The following KIRREL1 variants were observed in gnomAD, a reference collection of about 807,000 sequenced individuals.
The protein encoded by KIRREL1 is kin of IRRE-like protein 1.
KIRREL1 carries 25 observed loss-of-function variants against 83.3 expected under a neutral mutation model. The observed-to-expected ratio is 0.30, with a 90% CI of 0.22 to 0.42. The LOEUF is 0.42. Ranked by LOEUF, KIRREL1 falls within the 10% of genes least tolerant of loss-of-function variation. The pLI is 1.00. For missense variants in KIRREL1, 812 were observed against 1,032.3 expected (o/e 0.79, Z 2.92); for synonymous variants, 388 against 410.4 (o/e 0.95, Z 0.66).
intron 1 of KIRREL1, among the ~76,000 whole-genome samples, chr1:158,013,374 A>G (rs549822009): frequency 1.3e-5 from 2 of 151,874 alleles, no homozygotes; most frequent in African/African-American, 4.8e-5. Flanking sequence ...CCCTAGAAGC[A>G]TGCCATGTTT....
At chr1:158,044,935 G>A (rs1660736132) in intron 1 of KIRREL1, among the ~76,000 whole-genome samples, 1 of 152,222 alleles carries the variant, frequency 6.6e-6, no homozygotes, top group African/African-American at 2.4e-5. Flanking sequence ...AAGGGAAGGG[G>A]AATCCGGAGT....
At chr1:158,005,732 G>C (rs1033181553) in intron 1 of KIRREL1, among the ~76,000 whole-genome samples, 1 of 152,058 alleles carries the variant, frequency 6.6e-6, no homozygotes, top group Non-Finnish European at 1.5e-5. Flanking sequence ...TGCATGATTT[G>C]GGGGAGCAGT....
chr1:158,013,142 T>C (rs1246085575), intron 1 of KIRREL1, among the ~76,000 whole-genome samples: 2 of 152,214 alleles, frequency 1.3e-5, no homozygotes, highest in East Asian at 3.8e-4. Context: ...CACACTGCTG[T>C]CCATTTCTCC....
At chr1:158,051,883 C>T (rs1660918673) in intron 1 of KIRREL1, among the ~76,000 whole-genome samples, 1 of 152,240 alleles carries the variant, frequency 6.6e-6, no homozygotes, top group Non-Finnish European at 1.5e-5. Flanking sequence ...ACCTCCCTTC[C>T]TCTCAGCTTC....
Position 158,095,944 on chromosome 1 carries a change from C to A in KIRREL1, c.*824C>A, listed in dbSNP as rs41273467. 0.013 allele frequency: 2,010 copies of A among 154,678 alleles called. 18 individuals are homozygous for A. The highest frequency in any genetic ancestry group is 0.017 in the Non-Finnish European group (1,211 of 69,804). The allele number at this position is 154,678 out of a possible 1,614,324, so 9.6% of individuals were successfully genotyped here. On this transcript the variant is annotated 3_prime_UTR_variant, in exon 15 of 15. Transcript: ENST00000359209. ...AGCAGTGAACCAACACTAGAGGGAG[C>A]CACACAAGCCTCCTCTCCCCAGTCT...
At chr1:158,059,071 C>T (rs1363750772) in intron 1 of KIRREL1, among the ~76,000 whole-genome samples, 1 of 152,104 alleles carries the variant, frequency 6.6e-6, no homozygotes, top group Non-Finnish European at 1.5e-5. Context: ...AGCACCCTTC[C>T]CACTGCATGT....
intron 1 of KIRREL1, among the ~76,000 whole-genome samples, chr1:158,034,146 G>A (rs1660405187): frequency 6.6e-6 from 1 of 151,520 alleles, no homozygotes; most frequent in African/African-American, 2.4e-5. Flanking sequence ...GGTGGCGGGC[G>A]CCTGTAATCC....
chr1:158,049,507 A>T lies in KIRREL1; in HGVS notation c.53-26606A>T, dbSNP rs1660859447. Among the ~76,000 whole-genome samples the T allele has an allele frequency of 2.0e-5, 3 of 152,200 alleles. No individual in the cohort carries two copies. The South Asian group carries it at 6.2e-4, about 31-fold the overall frequency. ...TTTCTAGAAGGTAAAGTGCACGTTGACCAGGGTCTAACCGAATTTGAACTT... is the reference window on the plus strand; with the variant it reads ...TTTCTAGAAGGTAAAGTGCACGTTGTCCAGGGTCTAACCGAATTTGAACTT... On this transcript the variant is annotated intron_variant, in intron 1 of 14. Coordinates refer to ENST00000359209, the MANE Select transcript of KIRREL1 (RefSeq NM_018240.7).
chr1:158,075,332 G>A (rs747812546), intron 1 of KIRREL1, among the ~76,000 whole-genome samples: 24 of 152,236 alleles, frequency 1.6e-4, no homozygotes, highest in Non-Finnish European at 1.9e-4. Context: ...GAGGGAGAGT[G>A]GAACAAAGTC....
At chr1:158,003,012 C>G (rs987619557) in intron 1 of KIRREL1, among the ~76,000 whole-genome samples, 6 of 152,188 alleles carry the variant, frequency 3.9e-5, no homozygotes, top group Admixed American at 2.0e-4. Flanking sequence ...CTCCACCCCC[C>G]ACTCCCACCC....
chr1:158,037,489 C>CAAA (rs759200504), intron 1 of KIRREL1, among the ~76,000 whole-genome samples: 9 of 43,988 alleles, frequency 2.0e-4, no homozygotes, highest in African/African-American at 2.4e-4. Flanking sequence ...AAGACTCTGG[C>CAAA]AAAAAAAAAA....
At chr1:158,091,633 G>T (rs1662200506) in intron 11 of KIRREL1, 77 bp downstream of exon 11, 3 of 1,379,576 alleles carry the variant, frequency 2.2e-6, no homozygotes, top group Non-Finnish European at 2.0e-6. Context: ...CCAGGGGCAG[G>T]GCTCAGCTGC....
intron 11 of KIRREL1, 54 bp downstream of exon 11, chr1:158,091,610 CTCCT>C: frequency 6.4e-7 from 1 of 1,557,328 alleles, no homozygotes. Flanking sequence ...GAGGATTCTG[CTCCT>C]TCTTTTCTCC....
At chr1:158,010,326 A>AACACACAC (rs56353855) in intron 1 of KIRREL1, among the ~76,000 whole-genome samples, 4,360 of 72,174 alleles carry the variant, frequency 0.06, 117 homozygotes, top group Non-Finnish European at 0.11. Flanking sequence ...CCCCACCATA[A>AACACACAC]ACACACACAC....
intron 1 of KIRREL1, among the ~76,000 whole-genome samples, chr1:158,012,562 G>T (rs1330101737): frequency 6.6e-6 from 1 of 152,130 alleles, no homozygotes; most frequent in Non-Finnish European, 1.5e-5. Flanking sequence ...GTAATAAAAA[G>T]AGTCCTGGAT....
intron 1 of KIRREL1, among the ~76,000 whole-genome samples, chr1:158,009,063 C>G (rs987370104): frequency 9.2e-5 from 14 of 152,042 alleles, no homozygotes; most frequent in African/African-American, 2.2e-4. Context: ...ATTGAGAGGC[C>G]CAAGAGACAG....
intron 1 of KIRREL1, among the ~76,000 whole-genome samples, chr1:158,020,600 CAAAAAAAAAAA>C (rs370156588): frequency 1.2e-5 from 1 of 83,678 alleles, no homozygotes. Flanking sequence ...TACAGTAAAT[CAAAAAAAAAAA>C]AAAAAAAAAA....
At chr1:158,031,526 T>C (rs1296606287) in intron 1 of KIRREL1, among the ~76,000 whole-genome samples, 1 of 152,162 alleles carries the variant, frequency 6.6e-6, no homozygotes, top group African/African-American at 2.4e-5. Flanking sequence ...TCTCTGTCAC[T>C]CACCACCTTC....
chr1:158,034,290 A>AAAAAAAAAAG (rs1557997272), intron 1 of KIRREL1, among the ~76,000 whole-genome samples: 1 of 151,538 alleles, frequency 6.6e-6, no homozygotes, highest in African/African-American at 2.4e-5. Flanking sequence ...AAAAAAAGAA[A>AAAAAAAAAAG]AAAAGAAAAT....
Sources: allele counts gnomAD v4.1 joint callset (sites outside exome capture counted in the v4.1 genomes callset), GRCh38; gene constraint gnomAD v4.1.1; transcripts MANE v1.5; gene names NCBI Gene and HGNC (gene_info 2026-07-23, HGNC 2026-07-21).